The following CCN4 variants were observed in gnomAD, a reference collection of about 807,000 sequenced individuals.
CCN4 encodes CCN family member 4.
A neutral mutation model predicts 36.7 loss-of-function variants in CCN4; 30 were observed. That is an observed-to-expected ratio of 0.82 (90% CI 0.61 to 1.11). The LOEUF (loss-of-function observed/expected upper bound fraction) is 1.11. CCN4 is among the 50% of genes least tolerant of loss of function. The probability of loss-of-function intolerance (pLI) is 0.00; values close to 1 mark genes in which losing one functional copy is unlikely to be tolerated. For synonymous variants in CCN4, 191 were observed against 195.4 expected (o/e 0.98, Z 0.19); for missense variants, 505 against 504.9 (o/e 1.00, Z 0.00).
chr8:133,195,319 G>GGTGT (rs368120068), intron 1 of CCN4, among the ~76,000 whole-genome samples: 3,548 of 150,846 alleles, frequency 0.024, 125 homozygotes, highest in African/African-American at 0.08. Flanking sequence ...TTGCGTGTGT[G>GGTGT]GTGTGTGTGT....
chr8:133,227,063 G>C (rs1165603819), intron 4 of CCN4, among the ~76,000 whole-genome samples: 4 of 152,202 alleles, frequency 2.6e-5, no homozygotes, highest in Admixed American at 6.5e-5. Flanking sequence ...TAGCTAGCCA[G>C]GGGAACTTGC....
chr8:133,205,900 A>AGCAAATAGGTATTTGTTTTGC (rs1400613946), intron 1 of CCN4, among the ~76,000 whole-genome samples: 2 of 152,222 alleles, frequency 1.3e-5, no homozygotes, highest in African/African-American at 4.8e-5. Flanking sequence ...AGGCAAGCCA[A>AGCAAATAGGTATTTGTTTTGC]GCAAATAGGT....
In CCN4 at chr8:133,227,591, G is replaced by C. The variant is rs1854790015; in HGVS notation, c.985G>C (p.Gly329Arg). 2 of 1,614,076 alleles carry C rather than the reference G, an allele frequency of 1.2e-6. No homozygotes were observed. Among genetic ancestry groups the C allele is most frequent in the Non-Finnish European group, 1.7e-6 (2 of 1,180,048 alleles). ...GTCCTTCCAGTGTCCTGATGGGCTT[G>C]GCTTCTCCCGCCAGGTCCTATGGAT... ...DVSFQCPDGL[G>R]FSRQVLWINA... is the part of the protein sequence containing the mutation. The change falls in exon 5 of 5, where the codon GGC becomes CGC. Residue 329 changes from glycine (G) to arginine (R), a missense_variant. By Grantham distance (125) the Gly-to-Arg change is moderately radical. Coordinates refer to ENST00000250160, the MANE Select transcript of CCN4 (RefSeq NM_003882.4).
chr8:133,195,007 TGTGTGTGTG>T (rs1853320294), intron 1 of CCN4, among the ~76,000 whole-genome samples: 1 of 138,790 alleles, frequency 7.2e-6, no homozygotes, highest in South Asian at 2.4e-4. Context: ...GTGTGTGTGT[TGTGTGTGTG>T]GTGTGTGGTA....
intron 1 of CCN4, among the ~76,000 whole-genome samples, chr8:133,199,177 C>T (rs1853495781): frequency 6.6e-6 from 1 of 152,236 alleles, no homozygotes; most frequent in African/African-American, 2.4e-5. Context: ...GGGCTTGGTT[C>T]TGGAGCAAGG....
In CCN4 at chr8:133,227,300, A is replaced by C. The variant is rs974547332; in HGVS notation, c.805-111A>C. ...TTGAGGATGCTGTGAAGCTGAAAGTAAGGTGGAATGCTCCCACATAGTGAG... is the reference window on the plus strand; with the variant it reads ...TTGAGGATGCTGTGAAGCTGAAAGTCAGGTGGAATGCTCCCACATAGTGAG... On this transcript the variant is annotated intron_variant, in intron 4 of 4. Coordinates refer to ENST00000250160, the MANE Select transcript of CCN4 (RefSeq NM_003882.4). 1.5e-5 allele frequency: 17 copies of C among 1,130,210 alleles called. No homozygotes were observed. The Admixed American group carries it at 3.2e-4, about 21-fold the overall frequency. 70.0% of individuals were successfully genotyped at this position (1,130,210 alleles called of 1,614,324 possible). A position where few individuals can be genotyped will look rare whatever the true frequency, so the allele number is the denominator to read the frequency against.
chr8:133,194,468 T>G (rs796558697), intron 1 of CCN4, among the ~76,000 whole-genome samples: 17 of 23,578 alleles, frequency 7.2e-4, no homozygotes, highest in African/African-American at 1.2e-3. Context: ...GTGTGTGGGG[T>G]GTGTGTGTGT....
intron 3 of CCN4, 113 bp downstream of exon 3, chr8:133,220,954 T>G (rs1224258231): frequency 7.2e-7 from 1 of 1,394,490 alleles, no homozygotes; most frequent in East Asian, 2.5e-5. Flanking sequence ...ACCTACTAGC[T>G]TTGTGACCTT....
intron 2 of CCN4, among the ~76,000 whole-genome samples, chr8:133,218,204 T>C (rs1363586068): frequency 2.0e-5 from 3 of 152,102 alleles, no homozygotes; most frequent in Admixed American, 6.6e-5. Context: ...TTCCTGTCCA[T>C]CAAAGGAGAA....
At chr8:133,208,175 G>T (rs774736300) in intron 1 of CCN4, among the ~76,000 whole-genome samples, 29 of 152,120 alleles carry the variant, frequency 1.9e-4, no homozygotes, top group Non-Finnish European at 7.4e-5. Flanking sequence ...GAAGACAAAT[G>T]AGATCAGCCA....
chr8:133,223,556 T>C (rs182234113), intron 3 of CCN4, among the ~76,000 whole-genome samples: 1 of 152,216 alleles, frequency 6.6e-6, no homozygotes, highest in East Asian at 1.9e-4. Flanking sequence ...TTCTCTTCTT[T>C]TCTGTGTTTA....
rs566142824 is a variant in CCN4 at position 133,218,773 on chromosome 8, T to C, written c.350-1808T>C. Among the ~76,000 whole-genome samples the C allele has an allele frequency of 2.0e-5, 3 of 152,228 alleles. No individual in the cohort carries two copies. In the East Asian group the frequency reaches 5.8e-4, roughly 29 times the overall value. On this transcript the variant is annotated intron_variant, in intron 2 of 4. Coordinates refer to ENST00000250160, the MANE Select transcript of CCN4 (RefSeq NM_003882.4). ...GCATGGTATCAAGGGTGATATCTGG[T>C]CCAGAAGTCCCCAACTCTCCCTGAC...
rs1420498644 is a variant in CCN4, at chr8:133,226,596, G to A, written c.805-815G>A. Among the ~76,000 whole-genome samples, 11 of 152,336 alleles carry A rather than the reference G, an allele frequency of 7.2e-5. No individual in the cohort carries two copies. In the East Asian group the frequency reaches 1.9e-3, roughly 27 times the overall value. ...AACGTACATGGAAAAGGTACCAGCT[G>A]CAGAGGAATGACAGCAAAGGTCGTT... On this transcript the variant is annotated intron_variant, in intron 4 of 4. Transcript: ENST00000250160.
At chr8:133,196,441 T>C (rs1853386131) in intron 1 of CCN4, among the ~76,000 whole-genome samples, 1 of 152,264 alleles carries the variant, frequency 6.6e-6, no homozygotes, top group South Asian at 2.1e-4. Flanking sequence ...CAATCTATTA[T>C]TCCACTAAAC....
intron 1 of CCN4, among the ~76,000 whole-genome samples, chr8:133,193,843 G>A (rs376154616): frequency 1.8e-4 from 28 of 152,164 alleles, no homozygotes; most frequent in African/African-American, 6.8e-4. Context: ...GAAACCAGGG[G>A]CATGTAGTCC....
chr8:133,193,164 C>T (rs1000733352), intron 1 of CCN4, among the ~76,000 whole-genome samples: 2 of 152,240 alleles, frequency 1.3e-5, no homozygotes, highest in African/African-American at 4.8e-5. Context: ...AAATTCCATA[C>T]ATGGTCATCC....
chr8:133,199,870 C>T (rs1853524949), intron 1 of CCN4, among the ~76,000 whole-genome samples: 1 of 152,124 alleles, frequency 6.6e-6, no homozygotes, highest in Non-Finnish European at 1.5e-5. Context: ...GAGCCCCTTC[C>T]CACAGGTCTC....
At position 133,227,827 on chromosome 8, in the gene CCN4, C is replaced by A. The variant is rs572335093; in HGVS notation, c.*117C>A. 501 of 1,149,946 alleles carry A rather than the reference C, an allele frequency of 4.4e-4. 1 individual carries two copies. In the African/African-American group the frequency reaches 6.9e-3, roughly 16 times the overall value. 71.2% of individuals were successfully genotyped at this position (1,149,946 alleles called of 1,614,324 possible). A position where few individuals can be genotyped will look rare whatever the true frequency, so the allele number is the denominator to read the frequency against. On this transcript the variant is annotated 3_prime_UTR_variant, in exon 5 of 5. Transcript: ENST00000250160. The stretch of plus-strand genomic sequence containing the variant: ...TTACCCTGATCTGGACCCTTGGCCT[C>A]CATTTCTGTCTCTAACCATTCAAAT...
chr8:133,227,644 T>C lies in CCN4; in HGVS notation c.1038T>C (p.Cys346=), dbSNP rs967712124. Residue 346 remains cysteine (C), a synonymous_variant, in exon 5 of 5, where the codon TGT becomes TGC. Transcript: ENST00000250160. The part of the protein sequence containing the change: ...WINACFCNLS[C]RNPNDIFADL... ...ATGCCTGCTTCTGTAACCTGAGCTG[T>C]AGGAATCCCAATGACATCTTTGCTG... The C allele has an allele frequency of 5.0e-6, 8 of 1,614,096 alleles. No individual in the cohort carries two copies. The Admixed American group carries it at 8.3e-5, about 17-fold the overall frequency.
Sources: gnomAD v4.1 joint callset for allele counts (sites outside exome capture counted in the v4.1 genomes callset) on GRCh38, gnomAD v4.1.1 for gene constraint, MANE v1.5 for transcripts, NCBI Gene and HGNC (gene_info 2026-07-23, HGNC 2026-07-21) for gene names.